Variants in ARID1A observed in about 807,000 individuals in gnomAD.
The protein encoded by ARID1A is AT-rich interaction domain 1A, also known as AT-rich interactive domain-containing protein 1A.
ARID1A carries 20 observed loss-of-function variants against 212.6 expected under a neutral mutation model. The ratio of observed to expected loss-of-function variants is 0.09; its 90% CI spans 0.07 to 0.14. The LOEUF (loss-of-function observed/expected upper bound fraction) is 0.14. ARID1A is among the 10% of genes least tolerant of loss of function. The pLI is 1.00. For synonymous variants in ARID1A, 1,376 were observed against 1,222.1 expected, an observed-to-expected ratio of 1.13 and a Z score of -2.63; for missense variants, 2,587 against 3,059.0, an observed-to-expected ratio of 0.85 and a Z score of 3.64.
chr1:26,746,631 C>T (rs1270384313), intron 4 of ARID1A, among the ~76,000 whole-genome samples: 1 of 152,202 alleles, frequency 6.6e-6, no homozygotes, highest in Non-Finnish European at 1.5e-5. Flanking sequence ...CAGTGGCTCA[C>T]GCCTGTAATC....
intron 8 of ARID1A, chr1:26,766,017 G>A: frequency 1.7e-6 from 1 of 592,236 alleles, no homozygotes; most frequent in Non-Finnish European, 2.8e-6. Flanking sequence ...ATTCCAGCCA[G>A]GGTGCCAGAG....
At chr1:26,731,823 G>A (rs1195061538) in intron 3 of ARID1A, among the ~76,000 whole-genome samples, 1 of 152,142 alleles carries the variant, frequency 6.6e-6, no homozygotes, top group Admixed American at 6.5e-5. Flanking sequence ...TGAAGAAATA[G>A]GGCAATGGAA....
At chr1:26,705,067 C>T (rs1446536553) in intron 1 of ARID1A, among the ~76,000 whole-genome samples, 2 of 152,002 alleles carry the variant, frequency 1.3e-5, no homozygotes, top group Non-Finnish European at 2.9e-5. Context: ...CATGGCATGT[C>T]CAGTGCCAGG....
intron 11 of ARID1A, chr1:26,770,334 A>C (rs2081072717): frequency 6.6e-6 from 1 of 152,208 alleles, no homozygotes; most frequent in Non-Finnish European, 1.5e-5. Flanking sequence ...TCAAATTTGC[A>C]GGGAGCCACC....
At chr1:26,750,561 T>A (rs1396193917) in intron 4 of ARID1A, among the ~76,000 whole-genome samples, 1 of 152,066 alleles carries the variant, frequency 6.6e-6, no homozygotes, top group Non-Finnish European at 1.5e-5. Flanking sequence ...GAAGGGTGGC[T>A]GCAGTGCTGG....
At chr1:26,764,235 G>A (rs1474361987) in intron 8 of ARID1A, 3 of 149,348 alleles carry the variant, frequency 2.0e-5, no homozygotes, top group Non-Finnish European at 3.0e-5. Context: ...AAAGTGCTGG[G>A]ATTACAGGCA....
chr1:26,740,544 G>C (rs909086417), intron 4 of ARID1A, among the ~76,000 whole-genome samples: 2 of 152,182 alleles, frequency 1.3e-5, no homozygotes, highest in African/African-American at 4.8e-5. Flanking sequence ...ATAGATACTT[G>C]GGGGCTGGTC....
chr1:26,739,991 AAAAAAAAAAAAAAG>A (rs2080772680), intron 4 of ARID1A, among the ~76,000 whole-genome samples: 1 of 146,486 alleles, frequency 6.8e-6, no homozygotes, highest in Non-Finnish European at 1.5e-5. Context: ...GATCATCTTA[AAAAAAAAAAAAAAG>A]AAAAAAAAAA....
chr1:26,761,167 C>T (rs2124057915), intron 5 of ARID1A, 71 bp downstream of exon 5: 1 of 1,573,302 alleles, frequency 6.4e-7, no homozygotes, highest in Non-Finnish European at 8.6e-7. Context: ...GAGCCCTAGT[C>T]TTCCACTGGC....
chr1:26,714,398 T>TTTTGTTTG (rs71007887), intron 1 of ARID1A, among the ~76,000 whole-genome samples: 7,605 of 151,838 alleles, frequency 0.05, 258 homozygotes, highest in Non-Finnish European at 0.074. Context: ...CTATAATCTT[T>TTTTGTTTG]TTTGTTTGTT....
At chr1:26,747,048 CAAAA>C (rs2080842272) in intron 4 of ARID1A, among the ~76,000 whole-genome samples, 1 of 151,964 alleles carries the variant, frequency 6.6e-6, no homozygotes, top group South Asian at 2.1e-4. Context: ...GTCAAAAAAA[CAAAA>C]CAAACAAACA....
intron 1 of ARID1A, among the ~76,000 whole-genome samples, chr1:26,703,585 A>G (rs909196644): frequency 3.8e-4 from 58 of 152,370 alleles, no homozygotes; most frequent in African/African-American, 7.9e-4. Context: ...ACCAAAGGCT[A>G]TCAGCTTGTT....
At chr1:26,729,369 G>A (rs2080650577) in intron 1 of ARID1A, 3 of 438,870 alleles carry the variant, frequency 6.8e-6, no homozygotes, top group African/African-American at 2.0e-5. Context: ...GTTTATACCC[G>A]GCCTGTCCCT....
chr1:26,726,179 T>G (rs561330223), intron 1 of ARID1A, among the ~76,000 whole-genome samples: 24 of 149,912 alleles, frequency 1.6e-4, no homozygotes, highest in African/African-American at 2.5e-4. Context: ...TTTTTGTTTT[T>G]TTTTTTTTTT....
intron 1 of ARID1A, among the ~76,000 whole-genome samples, chr1:26,712,828 T>C (rs1385162658): frequency 6.6e-6 from 1 of 152,238 alleles, no homozygotes; most frequent in Non-Finnish European, 1.5e-5. Context: ...TGAATAAGGA[T>C]TGTGCTTGGC....
intron 1 of ARID1A, among the ~76,000 whole-genome samples, chr1:26,719,087 A>G (rs567786551): frequency 6.6e-6 from 1 of 152,218 alleles, no homozygotes; most frequent in South Asian, 2.1e-4. Flanking sequence ...TAGGGACAGG[A>G]ATTGCCAGGC....
chr1:26,773,259 G>C (rs2081099920), intron 14 of ARID1A, 87 bp from the exon 15 acceptor site: 2 of 1,481,808 alleles, frequency 1.3e-6, no homozygotes, highest in African/African-American at 2.8e-5. Context: ...GATCAAACCT[G>C]AACTCTGAAG....
chr1:26,766,230 C>G lies in ARID1A; in HGVS notation c.2742C>G (p.Gly914=), dbSNP rs2124079152. ...AANSIQNRPP[G]YPNMNQGGMM... Reference sequence around the variant, plus strand: ...CCATCTTCTTCCTTAGGCCGCCAGGCTACCCCAATATGAATCAAGGGGGCA... The same window carrying G: ...CCATCTTCTTCCTTAGGCCGCCAGGGTACCCCAATATGAATCAAGGGGGCA... Residue 914 remains glycine (G), a synonymous_variant, in exon 9 of 20, where the codon GGC becomes GGG. Transcript: ENST00000324856. The G allele has an allele frequency of 6.2e-7, 1 of 1,613,240 alleles. No homozygotes were observed. The highest frequency in any genetic ancestry group is 8.5e-7 in the Non-Finnish European group (1 of 1,179,694).
intron 1 of ARID1A, among the ~76,000 whole-genome samples, chr1:26,708,352 T>G (rs1483103370): frequency 7.2e-6 from 1 of 138,780 alleles, no homozygotes. Flanking sequence ...TGGCGTGATC[T>G]CGGCTCACTG....
Sources: allele counts gnomAD v4.1 joint callset (sites outside exome capture counted in the v4.1 genomes callset), GRCh38; gene constraint gnomAD v4.1.1; transcripts MANE v1.5; gene names NCBI Gene and HGNC (gene_info 2026-07-23, HGNC 2026-07-21).